Variants in DPP10 observed in about 807,000 individuals in gnomAD.
DPP10 encodes the protein inactive dipeptidyl peptidase 10.
A neutral mutation model predicts 120.9 loss-of-function variants in DPP10; 33 were observed. The observed-to-expected ratio is 0.27, with a 90% CI of 0.21 to 0.37. DPP10 has a LOEUF of 0.37. Among genes scored for constraint, DPP10 ranks in the 10% least tolerant of loss-of-function variants. DPP10 has a pLI of 1.00. For synonymous variants in DPP10, 337 were observed against 326.1 expected (o/e 1.03, Z -0.36); for missense variants, 816 against 942.8 (o/e 0.87, Z 1.76).
chr2:114,456,843 G>A (rs1189125467), intron 1 of DPP10, among the ~76,000 whole-genome samples: 1 of 152,210 alleles, frequency 6.6e-6, no homozygotes, highest in Non-Finnish European at 1.5e-5. Flanking sequence ...TATGAAGCCA[G>A]CATAAAGTGG....
intron 8 of DPP10, among the ~76,000 whole-genome samples, chr2:115,734,170 A>G (rs1409621604): frequency 1.3e-5 from 2 of 152,160 alleles, no homozygotes; most frequent in Non-Finnish European, 2.9e-5. Flanking sequence ...ATCATATGTC[A>G]CTCTAAAATA....
chr2:115,390,975 A>G (rs1428282453), intron 3 of DPP10, among the ~76,000 whole-genome samples: 1 of 152,134 alleles, frequency 6.6e-6, no homozygotes, highest in Non-Finnish European at 1.5e-5. Context: ...TTTCATTATG[A>G]CTGACAGAGA....
chr2:115,762,325 G>A (rs919394345), intron 11 of DPP10, among the ~76,000 whole-genome samples: 1 of 152,004 alleles, frequency 6.6e-6, no homozygotes, highest in Non-Finnish European at 1.5e-5. Context: ...TTCTCTCCCT[G>A]GTGAGGTACT....
chr2:114,783,080 A>G (rs111583881), intron 1 of DPP10, among the ~76,000 whole-genome samples: 9 of 152,194 alleles, frequency 5.9e-5, no homozygotes, highest in South Asian at 2.1e-4. Flanking sequence ...GAACAAAGTC[A>G]TTAAAATTAA....
intron 1 of DPP10, among the ~76,000 whole-genome samples, chr2:114,671,880 CT>C: frequency 6.6e-6 from 1 of 152,034 alleles, no homozygotes; most frequent in South Asian, 2.1e-4. Flanking sequence ...ACTTTTCTTT[CT>C]TTTTTCACTT....
chr2:114,676,178 C>T (rs1001768805), intron 1 of DPP10, among the ~76,000 whole-genome samples: 1 of 152,114 alleles, frequency 6.6e-6, no homozygotes, highest in African/African-American at 2.4e-5. Context: ...CCCTATATGA[C>T]TGTAATATAA....
intron 5 of DPP10, among the ~76,000 whole-genome samples, chr2:115,538,708 C>T (rs2079012370): frequency 6.6e-6 from 1 of 151,914 alleles, no homozygotes. Context: ...CAGGCTGTCA[C>T]ATTAACTTTA....
intron 1 of DPP10, among the ~76,000 whole-genome samples, chr2:114,866,898 T>C (rs890392762): frequency 2.6e-5 from 4 of 152,218 alleles, no homozygotes; most frequent in Admixed American, 2.6e-4. Flanking sequence ...CAGGATCATA[T>C]TCACATAATG....
intron 22 of DPP10, 74 bp downstream of exon 22, chr2:115,836,330 T>C: frequency 7.1e-7 from 1 of 1,414,242 alleles, no homozygotes; most frequent in Non-Finnish European, 9.8e-7. Context: ...TTAGAATAGC[T>C]CAATTGAGCT....
chr2:114,924,357 T>C (rs1346140468), intron 1 of DPP10, among the ~76,000 whole-genome samples: 2 of 151,924 alleles, frequency 1.3e-5, no homozygotes, highest in Non-Finnish European at 2.9e-5. Flanking sequence ...CGAAACCCCA[T>C]CTCTCTGAAA....
At chr2:114,909,284 T>TC in intron 1 of DPP10, among the ~76,000 whole-genome samples, 2 of 152,120 alleles carry the variant, frequency 1.3e-5, no homozygotes, top group South Asian at 4.1e-4. Context: ...TAGCAAATTT[T>TC]CTATATGGAC....
At chr2:114,989,678 G>C (rs1339793424) in intron 1 of DPP10, among the ~76,000 whole-genome samples, 5 of 152,172 alleles carry the variant, frequency 3.3e-5, no homozygotes, top group Non-Finnish European at 4.4e-5. Flanking sequence ...GAAGAAACTG[G>C]ACTGGGGAGA....
chr2:115,017,608 G>A (rs992507135), intron 1 of DPP10, among the ~76,000 whole-genome samples: 6 of 152,056 alleles, frequency 3.9e-5, no homozygotes, highest in Admixed American at 1.3e-4. Context: ...CAACGCAAAC[G>A]TCCAACAGTG....
At chr2:114,925,265 G>A (rs78705243) in intron 1 of DPP10, among the ~76,000 whole-genome samples, 1,992 of 151,426 alleles carry the variant, frequency 0.013, 25 homozygotes, top group Non-Finnish European at 0.02. Flanking sequence ...GGTATGGAAT[G>A]GGGTCTTCAA....
chr2:115,051,275 A>T (rs1290385194), intron 1 of DPP10, among the ~76,000 whole-genome samples: 1 of 152,212 alleles, frequency 6.6e-6, no homozygotes, highest in Non-Finnish European at 1.5e-5. Flanking sequence ...AAATAATGAT[A>T]ACAATGTATC....
chr2:114,603,763 C>T (rs1473414066), intron 1 of DPP10, among the ~76,000 whole-genome samples: 1 of 152,030 alleles, frequency 6.6e-6, no homozygotes, highest in African/African-American at 2.4e-5. Context: ...AAAAACAGCA[C>T]CTGTAGCCAG....
chr2:114,773,080 A>T (rs531313803), intron 1 of DPP10, among the ~76,000 whole-genome samples: 5 of 152,304 alleles, frequency 3.3e-5, no homozygotes, highest in Non-Finnish European at 7.4e-5. Context: ...TCTAGTAATG[A>T]TTACATTAGA....
intron 1 of DPP10, among the ~76,000 whole-genome samples, chr2:115,025,599 A>G (rs1483338653): frequency 6.6e-6 from 1 of 152,122 alleles, no homozygotes; most frequent in Non-Finnish European, 1.5e-5. Flanking sequence ...TAATGGCTGT[A>G]CTAATAATTT....
At chr2:114,498,288 G>A (rs901104751) in intron 1 of DPP10, among the ~76,000 whole-genome samples, 2 of 152,086 alleles carry the variant, frequency 1.3e-5, no homozygotes, top group South Asian at 2.1e-4. Context: ...TTTGAAACTT[G>A]GTACCCTTTG....
Sources: gnomAD v4.1 joint callset for allele counts (sites outside exome capture counted in the v4.1 genomes callset) on GRCh38, gnomAD v4.1.1 for gene constraint, MANE v1.5 for transcripts, NCBI Gene and HGNC (gene_info 2026-07-23, HGNC 2026-07-21) for gene names.